The following C1orf21 variants were observed in gnomAD, a reference collection of about 807,000 sequenced individuals.
C1orf21 encodes uncharacterized protein C1orf21.
Under a neutral mutation model 18.7 loss-of-function variants are expected in C1orf21, and 3 were observed. That is an observed-to-expected ratio of 0.16 (90% CI 0.07 to 0.42). The LOEUF (loss-of-function observed/expected upper bound fraction) is 0.42, where lower values mean the gene tolerates loss of function less well. Ranked by LOEUF, C1orf21 falls within the 10% of genes least tolerant of loss-of-function variation. The pLI, the probability that C1orf21 is intolerant of heterozygous loss-of-function variation, is 0.99. For missense variants in C1orf21, 104 were observed against 143.6 expected (o/e 0.72, Z 1.41); for synonymous variants, 41 against 46.4 (o/e 0.88, Z 0.47).
intron 2 of C1orf21, among the ~76,000 whole-genome samples, chr1:184,502,252 C>T (rs765530025): frequency 2.6e-5 from 4 of 152,162 alleles, no homozygotes; most frequent in Non-Finnish European, 4.4e-5. Context: ...TGAGAGTCCG[C>T]TTGTGCCTTC....
intron 4 of C1orf21, among the ~76,000 whole-genome samples, 193 bp downstream of exon 4, chr1:184,591,008 C>T (rs1047349291): frequency 2.0e-5 from 3 of 152,110 alleles, no homozygotes; most frequent in African/African-American, 7.2e-5. Context: ...GATGTGTAGG[C>T]ACTTCATTAG....
chr1:184,568,746 G>C (rs6667113), intron 3 of C1orf21, among the ~76,000 whole-genome samples: 228 of 152,274 alleles, frequency 1.5e-3, no homozygotes, highest in African/African-American at 5.3e-3. Flanking sequence ...CACAATTTTA[G>C]TCAAGGTTAC....
intron 3 of C1orf21, among the ~76,000 whole-genome samples, chr1:184,533,666 C>T (rs1658504553): frequency 6.6e-6 from 1 of 152,126 alleles, no homozygotes; most frequent in Non-Finnish European, 1.5e-5. Context: ...TAAGAAGTGA[C>T]TAGTTCTGTA....
chr1:184,500,636 C>G (rs1460117226), intron 2 of C1orf21, among the ~76,000 whole-genome samples: 1 of 152,180 alleles, frequency 6.6e-6, no homozygotes, highest in African/African-American at 2.4e-5. Flanking sequence ...TGGGAAGTCA[C>G]AAAGCCAGGT....
intron 1 of C1orf21, among the ~76,000 whole-genome samples, chr1:184,423,755 G>A (rs532489753): frequency 6.6e-6 from 1 of 151,792 alleles, no homozygotes; most frequent in African/African-American, 2.4e-5. Context: ...CCCTATTTCA[G>A]TTTTTCCCTC....
chr1:184,498,142 A>G (rs956699547), intron 2 of C1orf21, among the ~76,000 whole-genome samples: 4 of 152,170 alleles, frequency 2.6e-5, no homozygotes, highest in African/African-American at 9.7e-5. Flanking sequence ...CCCAATCTGC[A>G]TCACAAAAGT....
rs1260750310 is a variant in C1orf21, at chr1:184,460,617, GTCGTCTTCTTCTTCTTCTTCTTCT to G, written c.-124-16766_-124-16743del. On this transcript the variant is annotated intron_variant, in intron 1 of 5. Coordinates refer to ENST00000235307, the MANE Select transcript of C1orf21 (RefSeq NM_030806.4). ...GAGTTGGGCTGTTAGTATTGTCGTCGTCGTCTTCTTCTTCTTCTTCTTCTTCTTCTTCTTCTTCTTCTTCTTCTT... is the reference window on the plus strand; with the variant it reads ...GAGTTGGGCTGTTAGTATTGTCGTCGTCTTCTTCTTCTTCTTCTTCTTCTT... Among the ~76,000 whole-genome samples, 107 of 116,558 alleles carry G rather than the reference GTCGTCTTCTTCTTCTTCTTCTTCT, an allele frequency of 9.2e-4. 2 individuals are homozygous for G. The highest frequency in any genetic ancestry group is 1.9e-3 in the African/African-American group (54 of 27,958). 76.5% of individuals were successfully genotyped at this position (116,558 alleles called of 152,430 possible). A position where few individuals can be genotyped will look rare whatever the true frequency, so the allele number is the denominator to read the frequency against.
intron 3 of C1orf21, among the ~76,000 whole-genome samples, chr1:184,548,515 C>T (rs1231735193): frequency 1.3e-5 from 2 of 150,466 alleles, no homozygotes; most frequent in Admixed American, 6.7e-5. Flanking sequence ...CCCGGGTTCA[C>T]GCCATTCTCC....
intron 3 of C1orf21, among the ~76,000 whole-genome samples, chr1:184,538,424 A>G (rs1329252459): frequency 2.0e-5 from 3 of 152,084 alleles, no homozygotes; most frequent in Admixed American, 2.0e-4. Context: ...TTGCCTTTTT[A>G]TTCTATCACT....
At chr1:184,419,812 G>A (rs966697778) in intron 1 of C1orf21, among the ~76,000 whole-genome samples, 1 of 152,170 alleles carries the variant, frequency 6.6e-6, no homozygotes, top group Non-Finnish European at 1.5e-5. Flanking sequence ...ACTGGGCATC[G>A]AGGCCAGTGT....
intron 5 of C1orf21, among the ~76,000 whole-genome samples, chr1:184,615,332 C>T (rs1659804986): frequency 6.6e-6 from 1 of 152,130 alleles, no homozygotes; most frequent in African/African-American, 2.4e-5. Flanking sequence ...CACCCGAAGG[C>T]ACTCATGGTT....
chr1:184,452,494 G>A (rs1217077676), intron 1 of C1orf21, among the ~76,000 whole-genome samples: 2 of 152,162 alleles, frequency 1.3e-5, no homozygotes, highest in African/African-American at 2.4e-5. Flanking sequence ...TGAGCTCTTT[G>A]TTTTTCTGCT....
chr1:184,543,040 C>T (rs749216136), intron 3 of C1orf21, among the ~76,000 whole-genome samples: 21 of 152,212 alleles, frequency 1.4e-4, no homozygotes, highest in Non-Finnish European at 2.1e-4. Context: ...GCATGGCATC[C>T]ACCTTGCTGT....
chr1:184,602,902 A>T (rs928090824), intron 5 of C1orf21, among the ~76,000 whole-genome samples: 5 of 152,212 alleles, frequency 3.3e-5, no homozygotes, highest in Admixed American at 6.5e-5. Context: ...GAGGATCCTG[A>T]ATATTAAATA....
In C1orf21 at chr1:184,622,851, G is replaced by A. The variant is rs930257238; in HGVS notation, c.*3295G>A. ...CACTGTAATGTGAGGAAGCACCTCT[G>A]TGTCAGGGCTCACCTGGGCATCCAA... On this transcript the variant is annotated 3_prime_UTR_variant, in exon 6 of 6. Transcript: ENST00000235307. 2.0e-5 allele frequency: 3 copies of A among 152,470 alleles called. No individual in the cohort carries two copies. The highest frequency in any genetic ancestry group is 7.2e-5 in the African/African-American group (3 of 41,450). The allele number at this position is 152,470 out of a possible 1,614,324, so 9.4% of individuals were successfully genotyped here. A position where few individuals can be genotyped will look rare whatever the true frequency, so the allele number is the denominator to read the frequency against.
chr1:184,487,162 A>G (rs916384307), intron 2 of C1orf21, among the ~76,000 whole-genome samples: 2 of 152,202 alleles, frequency 1.3e-5, no homozygotes, highest in Non-Finnish European at 2.9e-5. Context: ...TCAGACATTC[A>G]AAACAATGGC....
chr1:184,468,418 A>C (rs1393848568), intron 1 of C1orf21, among the ~76,000 whole-genome samples: 1 of 152,130 alleles, frequency 6.6e-6, no homozygotes, highest in Admixed American at 6.5e-5. Context: ...AAAAGGAGGA[A>C]GGTGGTTATT....
At chr1:184,390,079 G>C (rs1381328345) in intron 1 of C1orf21, among the ~76,000 whole-genome samples, 1 of 152,206 alleles carries the variant, frequency 6.6e-6, no homozygotes, top group East Asian at 1.9e-4. Flanking sequence ...GGAGATTGTA[G>C]GATACTGCCA....
chr1:184,488,007 A>G (rs919422521), intron 2 of C1orf21, among the ~76,000 whole-genome samples: 15 of 152,230 alleles, frequency 9.9e-5, no homozygotes, highest in African/African-American at 3.6e-4. Flanking sequence ...ATTTCTGAAA[A>G]TGGTTGCTTG....
Sources: gnomAD v4.1 joint callset for allele counts (sites outside exome capture counted in the v4.1 genomes callset) on GRCh38, gnomAD v4.1.1 for gene constraint, MANE v1.5 for transcripts, NCBI Gene and HGNC (gene_info 2026-07-23, HGNC 2026-07-21) for gene names.